CTIF: variants seen among roughly 807,000 people sequenced by gnomAD.
CTIF encodes the protein CBP80/20-dependent translation initiation factor.
Under a neutral mutation model 66.0 loss-of-function variants are expected in CTIF, and 21 were observed. The observed-to-expected ratio is 0.32, with a 90% CI of 0.23 to 0.46. The LOEUF (loss-of-function observed/expected upper bound fraction) is 0.46. Ranked by LOEUF, CTIF falls within the 20% of genes least tolerant of loss-of-function variation. The pLI is 1.00. For synonymous variants in CTIF, 345 were observed against 326.4 expected (o/e 1.06, Z -0.62); for missense variants, 739 against 812.7 (o/e 0.91, Z 1.10).
At chr18:48,571,022 T>C (rs56820783) in intron 1 of CTIF, among the ~76,000 whole-genome samples, 3,798 of 152,330 alleles carry the variant, frequency 0.025, 150 homozygotes, top group African/African-American at 0.087. Flanking sequence ...CCTAAAGTAG[T>C]TAATTTCATG....
intron 3 of CTIF, among the ~76,000 whole-genome samples, chr18:48,651,984 T>C (rs918880722): frequency 1.3e-5 from 2 of 152,194 alleles, no homozygotes; most frequent in African/African-American, 4.8e-5. Context: ...GAGGGAAATT[T>C]ATAGCACTAA....
intron 7 of CTIF, among the ~76,000 whole-genome samples, chr18:48,727,039 TA>T (rs2092392319): frequency 6.6e-6 from 1 of 151,594 alleles, no homozygotes; most frequent in South Asian, 2.1e-4. Flanking sequence ...TCTTGATCTG[TA>T]GGCCTGAGAT....
At chr18:48,574,180 G>A (rs1459002918) in intron 1 of CTIF, among the ~76,000 whole-genome samples, 6 of 152,224 alleles carry the variant, frequency 3.9e-5, no homozygotes, top group Admixed American at 3.9e-4. Flanking sequence ...CTCTGTTCCT[G>A]CCGCTCTTCA....
At chr18:48,664,906 TTTC>T (rs200385052) in intron 5 of CTIF, among the ~76,000 whole-genome samples, 1,265 of 37,564 alleles carry the variant, frequency 0.034, 64 homozygotes, top group South Asian at 0.18. Flanking sequence ...TGTGTGTTTC[TTTC>T]TTTTTTTTTT....
intron 10 of CTIF, among the ~76,000 whole-genome samples, chr18:48,839,955 C>G (rs1247471501): frequency 3.3e-5 from 5 of 152,154 alleles, no homozygotes; most frequent in African/African-American, 4.8e-5. Context: ...CCCAGGTGGA[C>G]TCAAGTGCCT....
intron 1 of CTIF, among the ~76,000 whole-genome samples, chr18:48,540,618 T>C (rs1254274838): frequency 6.6e-6 from 1 of 151,698 alleles, no homozygotes; most frequent in East Asian, 1.9e-4. Flanking sequence ...CCGCGGGGTG[T>C]GCGGCGTGTA....
chr18:48,802,810 C>T (rs2068073658), intron 9 of CTIF, among the ~76,000 whole-genome samples: 1 of 152,226 alleles, frequency 6.6e-6, no homozygotes, highest in Non-Finnish European at 1.5e-5. Context: ...GTACTAACGT[C>T]CTCCCTGAGG....
In CTIF at chr18:48,563,514, C is replaced by A. The variant is rs552957282; in HGVS notation, c.-29+24202C>A. ...TTGGACAGATTCTTACTCTGTCACC[C>A]AGGCTGGAGTGCAGTGGCGCGATCT... is the stretch of plus-strand genomic sequence containing the variant. On this transcript the variant is annotated intron_variant, in intron 1 of 11. Coordinates refer to ENST00000256413, the MANE Select transcript of CTIF (RefSeq NM_014772.3). Among the ~76,000 whole-genome samples, 8 of 152,264 alleles carry A rather than the reference C, an allele frequency of 5.3e-5. No homozygotes were observed. The East Asian group carries it at 1.5e-3, about 29-fold the overall frequency.
At position 48,862,099 on chromosome 18, in the gene CTIF, G is replaced by A. The variant is rs547395120; in HGVS notation, c.*2540G>A. ...AGTCAAGCCTAAAATTTGAGACCCC[G>A]AGGCAGCTTCCCGAGGGAGACTGCT... On this transcript the variant is annotated 3_prime_UTR_variant, in exon 12 of 12. Coordinates refer to ENST00000256413, the MANE Select transcript of CTIF (RefSeq NM_014772.3). 2.6e-5 allele frequency: 4 copies of A among 151,916 alleles called. No homozygotes were observed. In the South Asian group the frequency reaches 8.3e-4, roughly 32 times the overall value. The allele number at this position is 151,916 out of a possible 1,614,324, so 9.4% of individuals were successfully genotyped here.
chr18:48,577,974 C>T (rs1266586246), intron 1 of CTIF, among the ~76,000 whole-genome samples: 4 of 152,224 alleles, frequency 2.6e-5, no homozygotes, highest in Non-Finnish European at 5.9e-5. Context: ...TACCATAACT[C>T]TCATTTTTCC....
chr18:48,739,080 C>T (rs1184670577), intron 7 of CTIF, among the ~76,000 whole-genome samples: 5 of 152,168 alleles, frequency 3.3e-5, no homozygotes, highest in Non-Finnish European at 7.3e-5. Context: ...ATAGCTGGTC[C>T]CCCTGTCTCT....
At chr18:48,636,439 A>G (rs1010257846) in intron 2 of CTIF, among the ~76,000 whole-genome samples, 175 bp from the exon 3 acceptor site, 1 of 152,176 alleles carries the variant, frequency 6.6e-6, no homozygotes, top group African/African-American at 2.4e-5. Flanking sequence ...CTTGATGTGG[A>G]GCTTGATGAT....
chr18:48,766,799 A>G (rs1337774184), intron 9 of CTIF, among the ~76,000 whole-genome samples: 1 of 89,356 alleles, frequency 1.1e-5, no homozygotes, highest in Admixed American at 1.4e-4. Flanking sequence ...TGCTGAGAAC[A>G]TGCCTTCCAC....
intron 6 of CTIF, among the ~76,000 whole-genome samples, chr18:48,685,273 A>G (rs2091820608): frequency 6.6e-6 from 1 of 151,524 alleles, no homozygotes; most frequent in Admixed American, 6.6e-5. Flanking sequence ...CCCAGGCTGG[A>G]GTGCAATGGT....
rs1290411822 is a variant in CTIF, at chr18:48,663,844, C to T, written c.326+19C>T. ...CCTTCAGGTAACCTCCTCCTCCCTC[C>T]TTCCCTGTGGTGTGAGGTCCAGCCG... On this transcript the variant is annotated intron_variant, in intron 4 of 11. Transcript: ENST00000256413. The T allele has an allele frequency of 1.1e-5, 18 of 1,612,036 alleles. No individual in the cohort carries two copies. Among genetic ancestry groups the T allele is most frequent in the Non-Finnish European group, 1.4e-5 (17 of 1,178,144 alleles).
At position 48,859,351 on chromosome 18, in the gene CTIF, G is replaced by C. The variant is rs762938074; in HGVS notation, c.1589G>C (p.Ser530Thr). The change falls in exon 12 of 12, where the codon AGT becomes ACT. Residue 530 changes from serine to threonine, a missense_variant. Physicochemically the swap from Ser to Thr is moderately conservative, Grantham distance 58. Transcript: ENST00000256413. Reference sequence around the variant, plus strand: ...CCACATCTCTGTCTGCAGCTGCAGAGTACAGGCCGGCTGCTGGAGGAACAG... The same window carrying C: ...CCACATCTCTGTCTGCAGCTGCAGACTACAGGCCGGCTGCTGGAGGAACAG... Reference protein sequence around the residue: ...AVLCCSMELQSTGRLLEEQLP... With the variant: ...AVLCCSMELQTTGRLLEEQLP... 1 of 1,613,966 alleles carries C rather than the reference G, an allele frequency of 6.2e-7. No homozygotes were observed. The highest frequency in any genetic ancestry group is 1.7e-5 in the Admixed American group (1 of 60,016).
chr18:48,678,954 A>G (rs1454912602), intron 6 of CTIF, among the ~76,000 whole-genome samples: 1 of 152,230 alleles, frequency 6.6e-6, no homozygotes, highest in Non-Finnish European at 1.5e-5. Flanking sequence ...AGCCACACCC[A>G]TTCACTTGCT....
intron 6 of CTIF, among the ~76,000 whole-genome samples, chr18:48,700,834 G>T (rs2092075314): frequency 1.3e-5 from 2 of 152,220 alleles, no homozygotes; most frequent in South Asian, 4.1e-4. Context: ...CAGAGGTGGA[G>T]TCTTGTTTTC....
chr18:48,804,077 T>G (rs2068097006), intron 9 of CTIF, among the ~76,000 whole-genome samples: 1 of 152,120 alleles, frequency 6.6e-6, no homozygotes, highest in Admixed American at 6.5e-5. Context: ...CCAAGAATCC[T>G]CAGTGTCTAG....
Sources: gnomAD v4.1 joint callset for allele counts (sites outside exome capture counted in the v4.1 genomes callset) on GRCh38, gnomAD v4.1.1 for gene constraint, MANE v1.5 for transcripts, NCBI Gene and HGNC (gene_info 2026-07-23, HGNC 2026-07-21) for gene names.